The following FTO variants were observed in gnomAD, a reference collection of about 807,000 sequenced individuals.
FTO encodes FTO alpha-ketoglutarate dependent dioxygenase, also known as alpha-ketoglutarate-dependent dioxygenase FTO.
Under a neutral mutation model 63.9 loss-of-function variants are expected in FTO, and 47 were observed. That is an observed-to-expected ratio of 0.74 (90% CI 0.58 to 0.94). The LOEUF (loss-of-function observed/expected upper bound fraction) is 0.94, where lower values mean the gene tolerates loss of function less well. Among genes scored for constraint, FTO ranks in the 40% least tolerant of loss-of-function variants. The pLI is 0.00. For synonymous variants in FTO, 207 were observed against 224.4 expected (o/e 0.92, Z 0.69); for missense variants, 562 against 618.1 (o/e 0.91, Z 0.96).
At chr16:54,106,717 TTATA>T (rs1280778118) in intron 8 of FTO, among the ~76,000 whole-genome samples, 1 of 135,914 alleles carries the variant, frequency 7.4e-6, no homozygotes, top group East Asian at 2.0e-4. Context: ...TATGTAATAG[TTATA>T]TAATTATATA....
At chr16:53,711,551 C>G (rs1419922092) in intron 1 of FTO, 1 of 397,802 alleles carries the variant, frequency 2.5e-6, no homozygotes, top group Non-Finnish European at 4.4e-6. Context: ...GAATTCCTTC[C>G]TTAGAAGATC....
chr16:53,826,735 T>C (rs1253451062), intron 3 of FTO, among the ~76,000 whole-genome samples: 1 of 152,166 alleles, frequency 6.6e-6, no homozygotes, highest in Non-Finnish European at 1.5e-5. Context: ...ACTCAGAATA[T>C]TTTCGCACGT....
chr16:53,723,447 G>T (rs1441694950), intron 1 of FTO, among the ~76,000 whole-genome samples: 2 of 152,168 alleles, frequency 1.3e-5, no homozygotes, highest in Non-Finnish European at 2.9e-5. Flanking sequence ...AGTGTGTCTG[G>T]CCTTTGTTCT....
chr16:54,025,718 C>CAA (rs35957454), intron 8 of FTO, among the ~76,000 whole-genome samples: 72 of 149,768 alleles, frequency 4.8e-4, no homozygotes, highest in African/African-American at 1.7e-3. Flanking sequence ...GACTCCATCT[C>CAA]AAAAAAAAAG....
intron 8 of FTO, among the ~76,000 whole-genome samples, chr16:53,936,434 G>GCGATC (rs2082391790): frequency 6.6e-6 from 1 of 152,162 alleles, no homozygotes. Flanking sequence ...ACTCATCCAT[G>GCGATC]CGATCCGTAT....
At chr16:53,819,963 A>G (rs930748494) in intron 2 of FTO, among the ~76,000 whole-genome samples, 21 of 151,354 alleles carry the variant, frequency 1.4e-4, no homozygotes, top group African/African-American at 5.1e-4. Context: ...CTTATGTGGA[A>G]CCAAGTGATG....
intron 8 of FTO, chr16:53,993,806 AT>A (rs1331820701): frequency 3.3e-5 from 5 of 152,206 alleles, no homozygotes; most frequent in African/African-American, 1.2e-4. Context: ...GTGAAGTGTT[AT>A]TTAAAAGCGA....
chr16:53,967,099 G>C, intron 8 of FTO, among the ~76,000 whole-genome samples: 1 of 152,148 alleles, frequency 6.6e-6, no homozygotes, highest in South Asian at 2.1e-4. Flanking sequence ...CTGCGCAGTG[G>C]TGCCTAAGGA....
At chr16:53,959,553 AT>A (rs1346842427) in intron 8 of FTO, among the ~76,000 whole-genome samples, 18 of 152,008 alleles carry the variant, frequency 1.2e-4, no homozygotes, top group Admixed American at 2.6e-4. Context: ...ACTGTCATTT[AT>A]TGAGTGTTTG....
intron 8 of FTO, among the ~76,000 whole-genome samples, chr16:53,954,434 A>G (rs2082872948): frequency 6.6e-6 from 1 of 152,170 alleles, no homozygotes; most frequent in Admixed American, 6.5e-5. Flanking sequence ...TTTAAGGCAG[A>G]TGGCGTACCT....
chr16:54,017,032 G>C (rs532424528), intron 8 of FTO, among the ~76,000 whole-genome samples: 2 of 152,278 alleles, frequency 1.3e-5, no homozygotes, highest in East Asian at 3.9e-4. Flanking sequence ...TCACCCAAGG[G>C]TAATCCTTTC....
At chr16:53,799,987 CT>C (rs2078176161) in intron 1 of FTO, among the ~76,000 whole-genome samples, 1 of 150,668 alleles carries the variant, frequency 6.6e-6, no homozygotes, top group African/African-American at 2.4e-5. Flanking sequence ...TTTTTTTTAA[CT>C]TTTCTGTTTT....
At chr16:54,036,295 C>G (rs1479890135) in intron 8 of FTO, among the ~76,000 whole-genome samples, 1 of 152,154 alleles carries the variant, frequency 6.6e-6, no homozygotes, top group African/African-American at 2.4e-5. Context: ...TCCCAGCTTC[C>G]ATGTTGCCTA....
chr16:53,717,393 C>T (rs1488192058), intron 1 of FTO, among the ~76,000 whole-genome samples: 3 of 151,976 alleles, frequency 2.0e-5, no homozygotes, highest in African/African-American at 7.2e-5. Flanking sequence ...GGTTGAATTT[C>T]CTCCCACCAT....
At chr16:54,110,824 T>G (rs926030567) in intron 8 of FTO, among the ~76,000 whole-genome samples, 1 of 152,214 alleles carries the variant, frequency 6.6e-6, no homozygotes, top group East Asian at 1.9e-4. Context: ...GATCCACTCG[T>G]TTTCACTGCC....
intron 8 of FTO, among the ~76,000 whole-genome samples, chr16:53,989,768 C>CCTGCCTCCCCTTCCACCTCTT (rs1174099581): frequency 6.6e-6 from 1 of 152,008 alleles, no homozygotes; most frequent in African/African-American, 2.4e-5. Context: ...GCCTGCCTCT[C>CCTGCCTCCCCTTCCACCTCTT]CTGCCTCCCC....
intron 8 of FTO, among the ~76,000 whole-genome samples, chr16:54,023,214 G>A (rs2084639013): frequency 1.3e-5 from 2 of 152,168 alleles, no homozygotes; most frequent in Non-Finnish European, 2.9e-5. Context: ...TGATGCTTGA[G>A]TGGGTTTTGT....
intron 7 of FTO, among the ~76,000 whole-genome samples, chr16:53,900,327 G>T (rs775233249): frequency 6.6e-6 from 1 of 152,064 alleles, no homozygotes; most frequent in Non-Finnish European, 1.5e-5. Context: ...ACCTCTGAAA[G>T]AACTCGATCT....
intron 1 of FTO, among the ~76,000 whole-genome samples, chr16:53,798,595 G>T (rs2078140662): frequency 6.6e-6 from 1 of 152,042 alleles, no homozygotes; most frequent in African/African-American, 2.4e-5. Flanking sequence ...AATAATTTTT[G>T]TATATTGATA....
Sources: gnomAD v4.1 joint callset for allele counts (sites outside exome capture counted in the v4.1 genomes callset) on GRCh38, gnomAD v4.1.1 for gene constraint, MANE v1.5 for transcripts, NCBI Gene and HGNC (gene_info 2026-07-23, HGNC 2026-07-21) for gene names.